COL23A1: variants seen among roughly 807,000 people sequenced by gnomAD.
The protein encoded by COL23A1 is collagen type XXIII alpha 1 chain.
In COL23A1, 97 loss-of-function variants were observed where a neutral mutation model predicts 99.3. The observed-to-expected ratio is 0.98, with a 90% CI of 0.83 to 1.16. COL23A1 has a LOEUF of 1.16. Ranked by LOEUF, COL23A1 falls within the 50% of genes most tolerant of loss-of-function variation. COL23A1 has a pLI of 0.00. For missense variants in COL23A1, 762 were observed against 757.4 expected (o/e 1.01, Z -0.07); for synonymous variants, 320 against 308.2 (o/e 1.04, Z -0.40).
chr5:178,357,984 G>A (rs1761816457), intron 2 of COL23A1, among the ~76,000 whole-genome samples: 2 of 151,156 alleles, frequency 1.3e-5, no homozygotes, highest in African/African-American at 4.9e-5. Flanking sequence ...GTATATATGT[G>A]TGTATGCGTG....
At chr5:178,523,284 A>G in intron 2 of COL23A1, among the ~76,000 whole-genome samples, 1 of 130,834 alleles carries the variant, frequency 7.6e-6, no homozygotes, top group Non-Finnish European at 1.6e-5. Context: ...AGAGAGCGCT[A>G]GGTGTGGTGG....
At chr5:178,329,910 G>A (rs1362971825) in intron 2 of COL23A1, among the ~76,000 whole-genome samples, 1 of 150,194 alleles carries the variant, frequency 6.7e-6, no homozygotes, top group African/African-American at 2.5e-5. Context: ...GCACTCCAGC[G>A]TGGATGACAC....
At chr5:178,421,671 C>T (rs1007272035) in intron 2 of COL23A1, among the ~76,000 whole-genome samples, 1 of 152,110 alleles carries the variant, frequency 6.6e-6, no homozygotes, top group African/African-American at 2.4e-5. Context: ...AAGTTCGAGA[C>T]CAGCCTGGCC....
At chr5:178,574,442 T>A (rs2113674930) in intron 1 of COL23A1, among the ~76,000 whole-genome samples, 1 of 152,306 alleles carries the variant, frequency 6.6e-6, no homozygotes, top group East Asian at 1.9e-4. Context: ...TTGCAGGATG[T>A]GGAGGGAAAT....
At chr5:178,517,094 T>C (rs1348228475) in intron 2 of COL23A1, among the ~76,000 whole-genome samples, 1 of 152,146 alleles carries the variant, frequency 6.6e-6, no homozygotes, top group African/African-American at 2.4e-5. Flanking sequence ...ATCCGCCACC[T>C]GCCCACAGCC....
At chr5:178,276,550 G>A (rs1756593994) in intron 5 of COL23A1, among the ~76,000 whole-genome samples, 2 of 152,100 alleles carry the variant, frequency 1.3e-5, no homozygotes, top group Non-Finnish European at 2.9e-5. Flanking sequence ...CTGTGTGAAG[G>A]TTCCCTGAGC....
chr5:178,491,817 C>A (rs1180686252), intron 2 of COL23A1, among the ~76,000 whole-genome samples: 1 of 152,128 alleles, frequency 6.6e-6, no homozygotes, highest in Non-Finnish European at 1.5e-5. Context: ...TCATAGCAAC[C>A]TCCGCCTCCC....
At position 178,267,294 on chromosome 5, in the gene COL23A1, G is replaced by T. The variant is rs776300788; in HGVS notation, c.522+13C>A. The T allele has an allele frequency of 1.2e-5, 20 of 1,613,984 alleles. No individual in the cohort carries two copies. The East Asian group carries it at 4.2e-4, about 34-fold the overall frequency. On this transcript the variant is annotated intron_variant, in intron 8 of 28. Transcript: ENST00000390654. ...CCATGTGGGCAGTGAGGGAGGTCATGCCTGGTTCTTACCCGGGGGCCAAAG... is the reference window on the plus strand; with the variant it reads ...CCATGTGGGCAGTGAGGGAGGTCATTCCTGGTTCTTACCCGGGGGCCAAAG...
chr5:178,530,994 A>G (rs1411870950), intron 2 of COL23A1, among the ~76,000 whole-genome samples: 3 of 152,102 alleles, frequency 2.0e-5, no homozygotes, highest in Non-Finnish European at 4.4e-5. Context: ...CAGCCTCCCA[A>G]GTAGCTGGGA....
intron 2 of COL23A1, among the ~76,000 whole-genome samples, chr5:178,368,027 G>A (rs1016176581): frequency 6.6e-6 from 1 of 152,230 alleles, no homozygotes; most frequent in Non-Finnish European, 1.5e-5. Flanking sequence ...GGCGCATGGA[G>A]GGGCAGGGAA....
In COL23A1 at chr5:178,309,600, C is replaced by A. The variant is rs1034139619; in HGVS notation, c.362-2681G>T. Among the ~76,000 whole-genome samples the A allele has an allele frequency of 1.3e-5, 2 of 152,014 alleles. No homozygotes were observed. The highest frequency in any genetic ancestry group is 3.9e-4 in the East Asian group (2 of 5,188). On this transcript the variant is annotated intron_variant, in intron 2 of 28. Transcript: ENST00000390654. The surrounding 1 kb of genome is among the most constrained non-coding windows in gnomAD (Gnocchi z 4.7). ...AAATGTCCAACTCCACTGGGAGGCA[C>A]CACTTCCAAACTCAAGCTCACCTCC...
At chr5:178,329,729 G>A (rs560750252) in intron 2 of COL23A1, among the ~76,000 whole-genome samples, 1 of 152,278 alleles carries the variant, frequency 6.6e-6, no homozygotes, top group East Asian at 1.9e-4. Context: ...ATGAGGTCAG[G>A]AGTGCGAGAC....
chr5:178,548,681 T>C (rs58997992), intron 2 of COL23A1, among the ~76,000 whole-genome samples: 22,978 of 151,738 alleles, frequency 0.15, 2,324 homozygotes, highest in East Asian at 0.55. Flanking sequence ...CTCTGGCTTG[T>C]CCTTATTCTT....
chr5:178,438,587 T>C (rs1766690182), intron 2 of COL23A1: 1 of 152,194 alleles, frequency 6.6e-6, no homozygotes, highest in South Asian at 2.1e-4. Context: ...AATTCCTCTG[T>C]ATCTGCATTT....
Position 178,250,096 on chromosome 5 carries a change from C to T in COL23A1, c.1024G>A (p.Gly342Arg). 6.2e-7 allele frequency: 1 copy of T among 1,614,158 alleles called. No individual in the cohort carries two copies. Among genetic ancestry groups the T allele is most frequent in the Non-Finnish European group, 8.5e-7 (1 of 1,180,020 alleles). The change falls in exon 18 of 29, where the codon GGA becomes AGA. Residue 342 changes from glycine (G) to arginine (R), a missense_variant. Transcript: ENST00000390654. ...PGIPGAKGEL[G>R]LPGAPGIDGE... is the part of the protein sequence containing the mutation. ...TCGATTCCTGGGGCACCGGGCAATC[C>T]AAGCTCGCCCTGGAAGGGAAGAGAT...
chr5:178,262,664 G>A (rs1765699625), intron 9 of COL23A1, among the ~76,000 whole-genome samples: 1 of 152,178 alleles, frequency 6.6e-6, no homozygotes, highest in African/African-American at 2.4e-5. Context: ...GAGGAAAGCT[G>A]AGGCTGAGAT....
At chr5:178,323,216 G>A (rs1347769777) in intron 2 of COL23A1, among the ~76,000 whole-genome samples, 2 of 152,156 alleles carry the variant, frequency 1.3e-5, no homozygotes, top group Non-Finnish European at 2.9e-5. Context: ...CTGGAGGGCA[G>A]GGCCCTCGCT....
intron 2 of COL23A1, among the ~76,000 whole-genome samples, chr5:178,355,862 C>T (rs1050498385): frequency 2.0e-5 from 3 of 151,920 alleles, no homozygotes; most frequent in East Asian, 1.9e-4. Flanking sequence ...CTGCGTATTG[C>T]GAAATGATTG....
chr5:178,551,018 T>C (rs1212141640), intron 2 of COL23A1, among the ~76,000 whole-genome samples: 2 of 148,690 alleles, frequency 1.3e-5, no homozygotes, highest in East Asian at 4.0e-4. Context: ...TCTGGAACCA[T>C]CTGGAAAATT....
Sources: gnomAD v4.1 joint callset for allele counts (sites outside exome capture counted in the v4.1 genomes callset) on GRCh38, gnomAD v4.1.1 for gene constraint, Gnocchi (gnomAD v3.1) non-coding constraint, MANE v1.5 for transcripts, NCBI Gene and HGNC (gene_info 2026-07-23, HGNC 2026-07-21) for gene names.